Variants in NDUFV2 observed in about 807,000 individuals in gnomAD.
NDUFV2 encodes the protein NADH:ubiquinone oxidoreductase core subunit V2.
Under a neutral mutation model 31.6 loss-of-function variants are expected in NDUFV2, and 18 were observed. That is an observed-to-expected ratio of 0.57 (90% CI 0.39 to 0.84). The LOEUF (loss-of-function observed/expected upper bound fraction) is 0.84, where lower values mean the gene tolerates loss of function less well. Among genes scored for constraint, NDUFV2 ranks in the 40% least tolerant of loss-of-function variants. NDUFV2 has a pLI of 0.00. For synonymous variants in NDUFV2, 83 were observed against 99.8 expected (o/e 0.83, Z 1.01); for missense variants, 314 against 303.6 (o/e 1.03, Z -0.26).
intron 1 of NDUFV2, among the ~76,000 whole-genome samples, chr18:9,116,342 C>T (rs993729589): frequency 3.0e-5 from 3 of 98,556 alleles, no homozygotes; most frequent in Middle Eastern, 5.2e-3. Flanking sequence ...ACTTTCCCTA[C>T]TCTTAAAATT....
intron 2 of NDUFV2, 126 bp from the exon 3 acceptor site, chr18:9,119,200 G>C: frequency 1.3e-6 from 1 of 752,282 alleles, no homozygotes. Flanking sequence ...GGAAGGATAG[G>C]GTGGTATATA....
chr18:9,127,215 A>G (rs2077998872), intron 7 of NDUFV2, among the ~76,000 whole-genome samples: 1 of 152,174 alleles, frequency 6.6e-6, no homozygotes, highest in Non-Finnish European at 1.5e-5. Flanking sequence ...TTTCTACCTA[A>G]AAATCCAATT....
In NDUFV2 at chr18:9,117,815, TTTC is replaced by T. The variant is rs1568190239; in HGVS notation, c.55-20_55-18del. The T allele has an allele frequency of 2.0e-6, 3 of 1,467,800 alleles. No individual in the cohort carries two copies. Among genetic ancestry groups the T allele is most frequent in the Non-Finnish European group, 2.9e-6 (3 of 1,048,266 alleles). The allele number at this position is 1,467,800 out of a possible 1,614,324, so 90.9% of individuals were successfully genotyped here. A position where few individuals can be genotyped will look rare whatever the true frequency, so the allele number is the denominator to read the frequency against. On this transcript the variant is annotated intron_variant, in intron 1 of 7. Transcript: ENST00000318388. ...TTTTTAAGGCTATGATTTACTAAAC[TTTC>T]TTAAAATTTTAAATTTTAGGGAAGA... is the stretch of plus-strand genomic sequence containing the variant.
chr18:9,110,060 G>T (rs1298523751), intron 1 of NDUFV2, among the ~76,000 whole-genome samples: 1 of 151,954 alleles, frequency 6.6e-6, no homozygotes, highest in Non-Finnish European at 1.5e-5. Context: ...ATTTCTTGAG[G>T]TATAGACATT....
At chr18:9,127,477 AT>A (rs1020079865) in intron 7 of NDUFV2, among the ~76,000 whole-genome samples, 10 of 152,002 alleles carry the variant, frequency 6.6e-5, no homozygotes, top group African/African-American at 2.4e-5. Flanking sequence ...ATTTATTTAT[AT>A]TTTGAGACGG....
chr18:9,118,081 C>A (rs143308727), intron 2 of NDUFV2, among the ~76,000 whole-genome samples, 178 bp downstream of exon 2: 305 of 152,212 alleles, frequency 2.0e-3, no homozygotes, highest in African/African-American at 7.1e-3. Flanking sequence ...CCAGTTGAAC[C>A]TCATGAGTTT....
intron 1 of NDUFV2, among the ~76,000 whole-genome samples, chr18:9,110,577 GGCTCGCT>G (rs906779912): frequency 3.3e-5 from 5 of 152,116 alleles, no homozygotes; most frequent in African/African-American, 1.2e-4. Context: ...GCATGATCAT[GGCTCGCT>G]GCAACCTCAA....
At chr18:9,115,093 A>G (rs1225344352) in intron 1 of NDUFV2, among the ~76,000 whole-genome samples, 1 of 152,228 alleles carries the variant, frequency 6.6e-6, no homozygotes, top group African/African-American at 2.4e-5. Flanking sequence ...AGTTTTTCTT[A>G]TACCTGCTGA....
chr18:9,104,336 G>A (rs935153568), intron 1 of NDUFV2: 128 of 1,560,912 alleles, frequency 8.2e-5, no homozygotes, highest in Non-Finnish European at 1.0e-4. Flanking sequence ...GTCAGTGAAA[G>A]GTTTTAAAGT....
At chr18:9,111,349 A>G (rs1014860114) in intron 1 of NDUFV2, among the ~76,000 whole-genome samples, 1 of 152,218 alleles carries the variant, frequency 6.6e-6, no homozygotes, top group African/African-American at 2.4e-5. Context: ...ACTTCTAATA[A>G]TAATAGCTAA....
intron 1 of NDUFV2, chr18:9,104,342 A>C (rs2144726474): frequency 1.3e-6 from 2 of 1,526,480 alleles, no homozygotes; most frequent in African/African-American, 1.4e-5. Flanking sequence ...GAAAGGTTTT[A>C]AAGTAGAGGA....
intron 2 of NDUFV2, among the ~76,000 whole-genome samples, chr18:9,118,828 T>G (rs949069412): frequency 1.3e-5 from 2 of 148,904 alleles, no homozygotes; most frequent in Non-Finnish European, 3.0e-5. Context: ...TTTTTTTTTT[T>G]TTTTTTTTTT....
chr18:9,104,906 A>G, intron 1 of NDUFV2: 1 of 1,486,906 alleles, frequency 6.7e-7, no homozygotes, highest in African/African-American at 1.4e-5. Context: ...CAACCTGGAA[A>G]TTACCATTGT....
intron 4 of NDUFV2, among the ~76,000 whole-genome samples, 185 bp from the exon 5 acceptor site, chr18:9,122,328 T>C (rs2077944055): frequency 6.6e-6 from 1 of 152,196 alleles, no homozygotes; most frequent in African/African-American, 2.4e-5. Context: ...TGTAAGTACA[T>C]TGTCTGCAAA....
rs540108131 is a variant in NDUFV2, at chr18:9,119,625, G to A, written c.300+35G>A. On this transcript the variant is annotated intron_variant, in intron 4 of 7. Transcript: ENST00000318388. Reference sequence around the variant, plus strand: ...TCATTTTTGCCTTAGTTCTAAAAGAGAAGAGATTGTGTATGATAATTTCCT... The same window carrying A: ...TCATTTTTGCCTTAGTTCTAAAAGAAAAGAGATTGTGTATGATAATTTCCT... The A allele has an allele frequency of 8.7e-6, 13 of 1,489,024 alleles. No individual in the cohort carries two copies. The South Asian group carries it at 1.5e-4, about 17-fold the overall frequency. The allele number at this position is 1,489,024 out of a possible 1,614,324, so 92.2% of individuals were successfully genotyped here. A position where few individuals can be genotyped will look rare whatever the true frequency, so the allele number is the denominator to read the frequency against.
At chr18:9,120,085 T>C (rs2077923863) in intron 4 of NDUFV2, among the ~76,000 whole-genome samples, 1 of 152,214 alleles carries the variant, frequency 6.6e-6, no homozygotes, top group Non-Finnish European at 1.5e-5. Context: ...ATGCTATGGA[T>C]GACCCATTTT....
chr18:9,127,923 T>C (rs1187520670), intron 7 of NDUFV2, among the ~76,000 whole-genome samples: 1 of 152,206 alleles, frequency 6.6e-6, no homozygotes, highest in Non-Finnish European at 1.5e-5. Flanking sequence ...TCATAATACC[T>C]AGATCTTTTT....
At chr18:9,103,470 A>T (rs181122805) in intron 1 of NDUFV2, 2 of 235,638 alleles carry the variant, frequency 8.5e-6, no homozygotes, top group East Asian at 8.5e-5. Context: ...AAGTTGAAAC[A>T]CTCCTTCACG....
chr18:9,113,207 T>TTAA (rs2077880516), intron 1 of NDUFV2, among the ~76,000 whole-genome samples: 1 of 152,212 alleles, frequency 6.6e-6, no homozygotes, highest in African/African-American at 2.4e-5. Context: ...TGGAAAGTGT[T>TTAA]TAATATTCTG....
Sources: gnomAD v4.1 joint callset for allele counts (sites outside exome capture counted in the v4.1 genomes callset) on GRCh38, gnomAD v4.1.1 for gene constraint, MANE v1.5 for transcripts, NCBI Gene and HGNC (gene_info 2026-07-23, HGNC 2026-07-21) for gene names.